HELLS: variants seen among roughly 807,000 people sequenced by gnomAD.
HELLS encodes helicase, lymphoid specific.
A neutral mutation model predicts 120.0 loss-of-function variants in HELLS; 32 were observed. That is an observed-to-expected ratio of 0.27 (90% CI 0.20 to 0.36). The LOEUF (loss-of-function observed/expected upper bound fraction) is 0.36, where lower values mean the gene tolerates loss of function less well. Among genes scored for constraint, HELLS ranks in the 10% least tolerant of loss-of-function variants. The pLI, the probability that HELLS is intolerant of heterozygous loss-of-function variation, is 1.00. For synonymous variants in HELLS, 341 were observed against 323.4 expected (o/e 1.05, Z -0.58); for missense variants, 650 against 993.4 (o/e 0.65, Z 4.65).
Position 94,550,009 on chromosome 10 carries a change from C to T in HELLS, c.153+3511C>T, listed in dbSNP as rs1842906787. On this transcript the variant is annotated intron_variant, in intron 2 of 21. Coordinates refer to ENST00000348459, the MANE Select transcript of HELLS (RefSeq NM_018063.5). ...AGTCTCGGCTCACTGCAACCTCTGC[C>T]TCCGGGGTTCAAGCAATTCTCCTGC... 2.0e-5 allele frequency among the ~76,000 whole-genome samples: 3 copies of T among 152,146 alleles called. No homozygotes were observed. In the South Asian group the frequency reaches 6.2e-4, roughly 32 times the overall value.
At chr10:94,598,335 C>T (rs1845843272) in intron 21 of HELLS, among the ~76,000 whole-genome samples, 1 of 152,148 alleles carries the variant, frequency 6.6e-6, no homozygotes. Flanking sequence ...GCTTTGTATT[C>T]CTGGCTAGAA....
intron 6 of HELLS, among the ~76,000 whole-genome samples, chr10:94,566,579 A>T (rs1589720899): frequency 6.6e-6 from 1 of 152,130 alleles, no homozygotes; most frequent in African/African-American, 2.4e-5. Context: ...GCAAATTTCC[A>T]TTTTGGTAAA....
rs1480111803 is a variant in HELLS at position 94,581,386 on chromosome 10, C to T, written c.1093C>T (p.Arg365Cys). Residue 365 changes from arginine to cysteine, a missense_variant, in exon 11 of 22, where the codon CGT becomes TGT. Arg to Cys is a radical substitution (Grantham distance 180, BLOSUM62 -3). Transcript: ENST00000348459. ...EGHRIKNMKCRLIRELKRFNA... is the reference protein window; with the variant it reads ...EGHRIKNMKCCLIRELKRFNA... Reference sequence around the variant, plus strand: ...ACACAGGATTAAGAATATGAAGTGCCGTCTAATCAGGGAGTTAAAACGATT... The same window carrying T: ...ACACAGGATTAAGAATATGAAGTGCTGTCTAATCAGGGAGTTAAAACGATT... The T allele has an allele frequency of 6.2e-7, 1 of 1,610,728 alleles. No homozygotes were observed. Among genetic ancestry groups the T allele is most frequent in the Non-Finnish European group, 8.5e-7 (1 of 1,177,822 alleles).
intron 6 of HELLS, chr10:94,569,770 ATAGT>A (rs1844042806): frequency 6.6e-6 from 1 of 152,196 alleles, no homozygotes; most frequent in Non-Finnish European, 1.5e-5. Context: ...TTTTAAAAAA[ATAGT>A]TGGTTCAAAT....
At chr10:94,588,968 G>A (rs1483692580) in intron 13 of HELLS, among the ~76,000 whole-genome samples, 1 of 152,054 alleles carries the variant, frequency 6.6e-6, no homozygotes, top group African/African-American at 2.4e-5. Context: ...CCAACATGGA[G>A]AAAACCCTGT....
intron 15 of HELLS, among the ~76,000 whole-genome samples, chr10:94,591,932 A>T (rs1589758560): frequency 6.6e-6 from 1 of 152,222 alleles, no homozygotes; most frequent in Non-Finnish European, 1.5e-5. Flanking sequence ...AAGCCTGAGT[A>T]TGTACCCATT....
chr10:94,582,256 T>C (rs1219769488), intron 11 of HELLS, among the ~76,000 whole-genome samples: 1 of 152,158 alleles, frequency 6.6e-6, no homozygotes, highest in Non-Finnish European at 1.5e-5. Flanking sequence ...GGCTACCTTA[T>C]TGTGACTCTG....
chr10:94,577,096 G>A (rs188229451), intron 10 of HELLS: 158 of 505,726 alleles, frequency 3.1e-4, no homozygotes, highest in Non-Finnish European at 3.8e-4. Context: ...ATTTGTGACA[G>A]GTACTTTGAA....
At chr10:94,571,170 C>T (rs1844135758) in intron 6 of HELLS, 2 of 360,878 alleles carry the variant, frequency 5.5e-6, no homozygotes, top group Non-Finnish European at 1.0e-5. Flanking sequence ...GATGAAATAT[C>T]CCATTGTATA....
At chr10:94,577,399 CCT>C (rs1431925305) in intron 10 of HELLS, 2 of 196,904 alleles carry the variant, frequency 1.0e-5, no homozygotes, top group Non-Finnish European at 2.1e-5. Flanking sequence ...ATGTGAGAAC[CCT>C]CTTAGTGCAG....
At chr10:94,564,244 C>T (rs1843685650) in intron 6 of HELLS, among the ~76,000 whole-genome samples, 1 of 152,098 alleles carries the variant, frequency 6.6e-6, no homozygotes, top group African/African-American at 2.4e-5. Flanking sequence ...CAGGCATGGG[C>T]ATAGAGCTTA....
chr10:94,609,389 C>T (rs1846165725), intron 9 of HELLS, among the ~76,000 whole-genome samples: 2 of 152,130 alleles, frequency 1.3e-5, no homozygotes. Context: ...TAGTTAATAA[C>T]CCCATCTCAG....
downstream of HELLS, among the ~76,000 whole-genome samples, chr10:94,603,202 T>C (rs1846085742): frequency 6.6e-6 from 1 of 152,220 alleles, no homozygotes; most frequent in South Asian, 2.1e-4. Flanking sequence ...AGTTCTATTA[T>C]AGCAAAACTC....
intron 2 of HELLS, among the ~76,000 whole-genome samples, chr10:94,553,529 G>A (rs557773666): frequency 1.3e-5 from 2 of 150,634 alleles, no homozygotes; most frequent in Non-Finnish European, 2.9e-5. Flanking sequence ...GATTACAGGC[G>A]TGAGCCACCG....
intron 15 of HELLS, among the ~76,000 whole-genome samples, chr10:94,591,241 A>C (rs572970682): frequency 9.8e-5 from 15 of 152,320 alleles, no homozygotes; most frequent in African/African-American, 3.1e-4. Flanking sequence ...TTTTAGAGAG[A>C]GTGGTCATCT....
chr10:94,562,643 C>G (rs1450181251), intron 4 of HELLS, 48 bp from the exon 5 acceptor site: 1 of 1,298,516 alleles, frequency 7.7e-7, no homozygotes, highest in South Asian at 1.3e-5. Flanking sequence ...ACGTATAATA[C>G]TATGAAGGTC....
At position 94,574,199 on chromosome 10, in the gene HELLS, G is replaced by C. The variant is rs1242716712; in HGVS notation, c.705+12G>C. ...TGGAATGGCTTAGGGTAATGAATTG[G>C]AATTTTTAATACAAGATACTGGTTT... On this transcript the variant is annotated intron_variant, in intron 8 of 21. Coordinates refer to ENST00000348459, the MANE Select transcript of HELLS (RefSeq NM_018063.5). The C allele has an allele frequency of 2.3e-5, 36 of 1,537,446 alleles. No homozygotes were observed. The highest frequency in any genetic ancestry group is 3.1e-5 in the Non-Finnish European group (34 of 1,113,242).
At chr10:94,582,909 T>C in intron 11 of HELLS, 54 bp from the exon 12 acceptor site, 1 of 921,374 alleles carries the variant, frequency 1.1e-6, no homozygotes, top group Non-Finnish European at 1.7e-6. Context: ...TCATGTATCA[T>C]GTTGACATAA....
In HELLS at chr10:94,592,439, G is replaced by T; in HGVS notation, c.1896G>T (p.Met632Ile). Residue 632 changes from methionine to isoleucine, a missense_variant, in exon 17 of 22, where the codon ATG becomes ATT. By Grantham distance (10) the Met-to-Ile change is conservative (BLOSUM62 1). Coordinates refer to ENST00000348459, the MANE Select transcript of HELLS (RefSeq NM_018063.5). ...SQMTSMLDIL[M>I]DYCHLRDFNF... ...TGACAAGCATGTTGGACATTTTGAT[G>T]GATTACTGCCATCTCAGAGATTTCA... The T allele has an allele frequency of 6.3e-7, 1 of 1,586,020 alleles. No homozygotes were observed. Among genetic ancestry groups the T allele is most frequent in the East Asian group, 2.2e-5 (1 of 44,512 alleles).
Sources: gnomAD v4.1 joint callset for allele counts (sites outside exome capture counted in the v4.1 genomes callset) on GRCh38, gnomAD v4.1.1 for gene constraint, MANE v1.5 for transcripts, NCBI Gene and HGNC (gene_info 2026-07-23, HGNC 2026-07-21) for gene names.